Variants in MKLN1 observed in about 807,000 individuals in gnomAD.
The protein encoded by MKLN1 is muskelin 1.
In MKLN1, 18 loss-of-function variants were observed where a neutral mutation model predicts 99.0. The observed-to-expected ratio is 0.18, with a 90% confidence interval of 0.13 to 0.27. MKLN1 has a LOEUF of 0.27. Among genes scored for constraint, MKLN1 ranks in the 10% least tolerant of loss-of-function variants. The pLI, the probability that MKLN1 is intolerant of heterozygous loss-of-function variation, is 1.00. For missense variants in MKLN1, 621 were observed against 875.9 expected (o/e 0.71, Z 3.67); for synonymous variants, 288 against 293.2 (o/e 0.98, Z 0.18).
At position 131,495,363 on chromosome 7, in the gene MKLN1, TGTG is replaced by T. The variant is rs2116741304; in HGVS notation, c.*7639_*7641del. On this transcript the variant is annotated 3_prime_UTR_variant, in exon 18 of 18. Transcript: ENST00000352689. ...GTGAAAACATCTCCTGGACTGGAAA[TGTG>T]GTGCTGTAACCAGCTGAGCCGAAAG... The T allele has an allele frequency of 6.6e-6, 1 of 152,300 alleles. No homozygotes were observed. Among genetic ancestry groups the T allele is most frequent in the African/African-American group, 2.4e-5 (1 of 41,570 alleles). The allele number at this position is 152,300 out of a possible 1,614,324, so 9.4% of individuals were successfully genotyped here.
intron 4 of MKLN1, among the ~76,000 whole-genome samples, chr7:131,392,602 CTTT>C (rs772614936): frequency 3.0e-5 from 4 of 134,506 alleles, no homozygotes; most frequent in Non-Finnish European, 3.2e-5. Context: ...CTCAGAACCT[CTTT>C]TTTTTTTTTT....
intron 10 of MKLN1, among the ~76,000 whole-genome samples, chr7:131,438,252 G>A (rs1010358850): frequency 1.3e-5 from 2 of 151,758 alleles, no homozygotes; most frequent in African/African-American, 4.8e-5. Context: ...AGTAGATGGA[G>A]CAATATTAGG....
At chr7:131,221,559 A>G (rs1471723028) in intron 3 of MKLN1, among the ~76,000 whole-genome samples, 2 of 140,032 alleles carry the variant, frequency 1.4e-5, no homozygotes, top group Non-Finnish European at 3.0e-5. Flanking sequence ...CCCACGCTGG[A>G]GGGCAGTGGC....
chr7:131,120,972 G>A (rs1218608626), intron 1 of MKLN1, among the ~76,000 whole-genome samples: 2 of 152,188 alleles, frequency 1.3e-5, no homozygotes, highest in Non-Finnish European at 2.9e-5. Flanking sequence ...TTCTCACACT[G>A]TTATAAAGAC....
In MKLN1 at chr7:131,285,676, A is replaced by G. The variant is rs1048477130; in HGVS notation, c.-179+82702A>G. On this transcript the variant is annotated intron_variant, in intron 3 of 7. Coordinates refer to the MKLN1 transcript ENST00000416992. ...ATAAAAATAGGCCTCTGTAGATACA[A>G]TAGGGCTGAGCTGAGGGTGTGGTTT... Among the ~76,000 whole-genome samples the G allele has an allele frequency of 1.1e-4, 16 of 152,316 alleles. 2 individuals are homozygous for G. Among genetic ancestry groups the G allele is most frequent in the Middle Eastern group, 3.4e-3 (1 of 294 alleles).
intron 3 of MKLN1, among the ~76,000 whole-genome samples, chr7:131,248,384 C>G (rs148611496): frequency 2.0e-5 from 3 of 152,080 alleles, no homozygotes; most frequent in African/African-American, 4.8e-5. Flanking sequence ...TGCTGGTACC[C>G]CAGTTATCCT....
chr7:131,177,126 A>C (rs1796310277), intron 2 of MKLN1, among the ~76,000 whole-genome samples: 1 of 152,198 alleles, frequency 6.6e-6, no homozygotes, highest in Non-Finnish European at 1.5e-5. Context: ...ACCCTACACA[A>C]TCTTTTATGG....
At chr7:131,374,489 A>T (rs1277861215) in intron 1 of MKLN1, among the ~76,000 whole-genome samples, 7 of 152,166 alleles carry the variant, frequency 4.6e-5, no homozygotes. Flanking sequence ...GCCTAACTGT[A>T]ACATCCCCCT....
At chr7:131,431,826 C>T (rs988585955) in intron 9 of MKLN1, among the ~76,000 whole-genome samples, 1 of 152,180 alleles carries the variant, frequency 6.6e-6, no homozygotes, top group Non-Finnish European at 1.5e-5. Flanking sequence ...CTCCCATGTG[C>T]CAGTTAAAGT....
At position 131,168,922 on chromosome 7, in the gene MKLN1, C is replaced by G. The variant is rs1796175684; in HGVS notation, c.-297+25981C>G. Among the ~76,000 whole-genome samples the G allele has an allele frequency of 2.0e-5, 3 of 149,050 alleles. No individual in the cohort carries two copies. In the South Asian group the frequency reaches 6.3e-4, roughly 31 times the overall value. On this transcript the variant is annotated intron_variant, in intron 2 of 7. Coordinates refer to the MKLN1 transcript ENST00000416992. ...TAGCTCTTCCACCTAGGCTGGAGGG[C>G]AGTGGTGCAATCTTGGCTCACCGCA...
intron 2 of MKLN1, among the ~76,000 whole-genome samples, chr7:131,154,752 A>G (rs1031078177): frequency 6.6e-6 from 1 of 152,310 alleles, no homozygotes; most frequent in Admixed American, 6.5e-5. Flanking sequence ...CTGGTCATTT[A>G]GATGTTCCCA....
In MKLN1 at chr7:131,252,176, C is replaced by T. The variant is rs149657844; in HGVS notation, c.-179+49202C>T. The stretch of plus-strand genomic sequence containing the variant: ...TCAAAGCAGCAATAGCCCAAAAGCC[C>T]GGACAGATACCTCACAGATGCATGG... On this transcript the variant is annotated intron_variant, in intron 3 of 7. Transcript: ENST00000416992. Among the ~76,000 whole-genome samples the T allele has an allele frequency of 2.1e-3, 318 of 152,158 alleles. 1 individual carries two copies. The highest frequency in any genetic ancestry group is 6.8e-3 in the African/African-American group (282 of 41,520).
chr7:131,462,109 G>A (rs568186754), intron 12 of MKLN1, among the ~76,000 whole-genome samples: 46 of 152,110 alleles, frequency 3.0e-4, no homozygotes, highest in African/African-American at 9.4e-4. Context: ...AATAGCTCAT[G>A]GCAGTTTCCA....
intron 2 of MKLN1, among the ~76,000 whole-genome samples, chr7:131,163,731 ATCT>A: frequency 6.6e-6 from 1 of 152,254 alleles, no homozygotes; most frequent in East Asian, 1.9e-4. Flanking sequence ...ACTTGGTAAA[ATCT>A]TCTTTTTCCT....
At chr7:131,199,189 T>C (rs1047820986) in intron 2 of MKLN1, among the ~76,000 whole-genome samples, 7 of 151,678 alleles carry the variant, frequency 4.6e-5, no homozygotes, top group African/African-American at 1.7e-4. Context: ...TATAGCTGAA[T>C]TGAGGGTTAA....
intron 1 of MKLN1, among the ~76,000 whole-genome samples, chr7:131,115,853 C>A (rs1364783325): frequency 6.6e-6 from 1 of 152,176 alleles, no homozygotes; most frequent in African/African-American, 2.4e-5. Flanking sequence ...GACCACGCCA[C>A]CTGAAGTGTC....
intron 15 of MKLN1, among the ~76,000 whole-genome samples, chr7:131,470,235 A>G (rs1796780678): frequency 6.6e-6 from 1 of 152,204 alleles, no homozygotes; most frequent in Non-Finnish European, 1.5e-5. Flanking sequence ...GTGAGAATAG[A>G]TGAAGTGATA....
At chr7:131,283,684 C>T (rs115400242) in intron 3 of MKLN1, among the ~76,000 whole-genome samples, 7,782 of 152,188 alleles carry the variant, frequency 0.051, 483 homozygotes, top group African/African-American at 0.15. Flanking sequence ...GTCTGCGCAT[C>T]TTGGCCTCCC....
chr7:131,125,007 C>G (rs1001069138), intron 1 of MKLN1, among the ~76,000 whole-genome samples: 7 of 152,196 alleles, frequency 4.6e-5, no homozygotes. Context: ...ATTCATAGCC[C>G]GTGCTCTAGG....
Sources: gnomAD v4.1 joint callset for allele counts (sites outside exome capture counted in the v4.1 genomes callset) on GRCh38, gnomAD v4.1.1 for gene constraint, MANE v1.5 for transcripts, NCBI Gene and HGNC (gene_info 2026-07-23, HGNC 2026-07-21) for gene names.